Variants in ICE2 observed in about 807,000 individuals in gnomAD.
The protein encoded by ICE2 is interactor of little elongation complex ELL subunit 2.
In ICE2, 87 loss-of-function variants were observed where a neutral mutation model predicts 105.4. That is an observed-to-expected ratio of 0.83 (90% confidence interval 0.69 to 0.99). ICE2 has a LOEUF of 0.99. ICE2 is among the 50% of genes least tolerant of loss of function. The probability of loss-of-function intolerance (pLI) is 0.00; values close to 1 mark genes in which losing one functional copy is unlikely to be tolerated. For synonymous variants in ICE2, 399 were observed against 392.0 expected, an observed-to-expected ratio of 1.02 and a Z score of -0.21; for missense variants, 1,323 against 1,146.7, an observed-to-expected ratio of 1.15 and a Z score of -2.22.
Position 60,423,571 on chromosome 15 carries a change from ACTTAT to A in ICE2, c.*58_*62del. ...TTGCCTACTGATTATTTTCCCTCAA[ACTTAT>A]CTAAATTAAACACTGTTATAACTGT... On this transcript the variant is annotated 3_prime_UTR_variant, in exon 16 of 16. Transcript: ENST00000261520. 6.8e-7 allele frequency: 1 copy of A among 1,460,604 alleles called. No individual in the cohort carries two copies. The highest frequency in any genetic ancestry group is 2.6e-5 in the East Asian group (1 of 38,660). 90.5% of individuals were successfully genotyped at this position (1,460,604 alleles called of 1,614,324 possible). A position where few individuals can be genotyped will look rare whatever the true frequency, so the allele number is the denominator to read the frequency against.
intron 12 of ICE2, chr15:60,440,604 G>A (rs1403618713): frequency 6.6e-6 from 1 of 152,158 alleles, no homozygotes; most frequent in Non-Finnish European, 1.5e-5. Flanking sequence ...AGTACGACCT[G>A]AGAAAGTCTT....
intron 5 of ICE2, among the ~76,000 whole-genome samples, chr15:60,458,709 A>G (rs1198976083): frequency 6.6e-6 from 1 of 152,170 alleles, no homozygotes; most frequent in Non-Finnish European, 1.5e-5. Flanking sequence ...GGATGAACAG[A>G]TAAACTAAAT....
intron 8 of ICE2, among the ~76,000 whole-genome samples, chr15:60,454,533 A>C (rs969743764): frequency 4.6e-5 from 7 of 152,012 alleles, no homozygotes; most frequent in African/African-American, 1.7e-4. Context: ...GACCTAATTA[A>C]TTCATTTAGT....
At position 60,448,905 on chromosome 15, in the gene ICE2, C is replaced by G; in HGVS notation, c.2062G>C (p.Asp688His). Residue 688 changes from aspartate to histidine, a missense_variant, in exon 10 of 16, where the codon GAC becomes CAC. By Grantham distance (81) the Asp-to-His change is moderately conservative (BLOSUM62 -1). Coordinates refer to ENST00000261520, the MANE Select transcript of ICE2 (RefSeq NM_024611.6). ...SVSEQLSGPS[D>H]SSSWPKSGWP... ...CCAGATTTCGGCCAACTAGAGGAGT[C>G]TGAAGGACCAGACAATTGCTCAGAA... is the stretch of plus-strand genomic sequence containing the variant. 6.2e-7 allele frequency: 1 copy of G among 1,613,290 alleles called. No homozygotes were observed. The highest frequency in any genetic ancestry group is 8.5e-7 in the Non-Finnish European group (1 of 1,179,774).
intron 3 of ICE2, among the ~76,000 whole-genome samples, chr15:60,473,137 C>T (rs1192286631): frequency 6.6e-6 from 1 of 152,010 alleles, no homozygotes; most frequent in Non-Finnish European, 1.5e-5. Context: ...GAGACAAGGT[C>T]TTGATATGTT....
intron 13 of ICE2, among the ~76,000 whole-genome samples, chr15:60,434,488 C>A (rs2063535650): frequency 1.3e-5 from 2 of 150,648 alleles, no homozygotes; most frequent in African/African-American, 4.9e-5. Context: ...TGGGTCTGTG[C>A]TCCATCAATG....
chr15:60,430,878 T>C (rs1035083313), intron 14 of ICE2, among the ~76,000 whole-genome samples: 1 of 152,152 alleles, frequency 6.6e-6, no homozygotes, highest in Non-Finnish European at 1.5e-5. Context: ...TTTAGCTCTA[T>C]GTTCTTTTTT....
rs1436080192 is a variant in ICE2 at position 60,477,964 on chromosome 15, A to G, written c.14T>C (p.Met5Thr). The G allele has an allele frequency of 1.2e-6, 2 of 1,614,038 alleles. No individual in the cohort carries two copies. Among genetic ancestry groups the G allele is most frequent in the African/African-American group, 1.3e-5 (1 of 74,934 alleles). The change falls in exon 2 of 16, where the codon ATG becomes ACG. Residue 5 changes from methionine (M) to threonine (T), a missense_variant. Transcript: ENST00000261520. MSSK[M>T]VISEPGLNWD... ...ATTCAGTCCTGGTTCACTTATGACC[A>G]TCTTGGAGCTCATCTTCCTAGATTT...
At chr15:60,426,493 T>C (rs1241188887) in intron 15 of ICE2, among the ~76,000 whole-genome samples, 1 of 152,214 alleles carries the variant, frequency 6.6e-6, no homozygotes, top group Non-Finnish European at 1.5e-5. Context: ...GTGCTGCATT[T>C]CTCAGAATGT....
intron 15 of ICE2, among the ~76,000 whole-genome samples, chr15:60,424,752 C>T (rs967171057): frequency 2.6e-5 from 4 of 152,176 alleles, no homozygotes; most frequent in Admixed American, 2.0e-4. Context: ...GTGATCTGCC[C>T]GCCTCAGCCT....
chr15:60,453,745 AGTG>A lies in ICE2; in HGVS notation c.980_982del (p.Pro327del). 1 of 1,595,568 alleles carries A rather than the reference AGTG, an allele frequency of 6.3e-7. No individual in the cohort carries two copies. Among genetic ancestry groups the A allele is most frequent in the Non-Finnish European group, 8.6e-7 (1 of 1,163,270 alleles). ...TCTCATAGTCATTTTCTTTTGGGGA[AGTG>A]GTGAATTAATATATATTACTTTAAC... On this transcript the variant is annotated inframe_deletion, in exon 9 of 16. Coordinates refer to ENST00000261520, the MANE Select transcript of ICE2 (RefSeq NM_024611.6).
At chr15:60,427,692 T>C (rs2063366925) in intron 15 of ICE2, among the ~76,000 whole-genome samples, 1 of 152,188 alleles carries the variant, frequency 6.6e-6, no homozygotes, top group Admixed American at 6.6e-5. Flanking sequence ...CCTGGGATTA[T>C]AGGTGTGAGC....
At chr15:60,462,358 T>C (rs1042047707) in intron 5 of ICE2, among the ~76,000 whole-genome samples, 1 of 152,154 alleles carries the variant, frequency 6.6e-6, no homozygotes, top group African/African-American at 2.4e-5. Context: ...ATGGTGATGA[T>C]AGTTAATTAC....
intron 5 of ICE2, among the ~76,000 whole-genome samples, chr15:60,464,660 G>A (rs1470142760): frequency 6.6e-6 from 1 of 152,072 alleles, no homozygotes; most frequent in Non-Finnish European, 1.5e-5. Context: ...TAACTGATAG[G>A]GCAATTTGTA....
At chr15:60,434,108 C>T (rs1025277308) in intron 13 of ICE2, among the ~76,000 whole-genome samples, 3 of 152,184 alleles carry the variant, frequency 2.0e-5, no homozygotes, top group African/African-American at 7.2e-5. Flanking sequence ...CTAGGGCATA[C>T]CACTCTAATA....
At position 60,448,983 on chromosome 15, in the gene ICE2, T is replaced by A. The variant is rs772575015; in HGVS notation, c.1984A>T (p.Lys662Ter). ...TTCATTAAGGGCAATTCTGGTACTT[T>A]TCTGGAAATTGGCTTTAAGAGCTCA... ...QDELLKPISR[K>*]VPELPLMNLE... is the part of the protein sequence containing the mutation. Residue 662 changes from lysine to a stop codon, truncating the protein, a stop_gained, in exon 10 of 16, where the codon AAA (lysine) becomes TAA (stop). Coordinates refer to ENST00000261520, the MANE Select transcript of ICE2 (RefSeq NM_024611.6). LOFTEE classifies it high-confidence loss of function. 1 of 1,614,068 alleles carries A rather than the reference T, an allele frequency of 6.2e-7. No homozygotes were observed. The highest frequency in any genetic ancestry group is 8.5e-7 in the Non-Finnish European group (1 of 1,179,998).
At chr15:60,428,350 G>A in intron 15 of ICE2, 79 bp downstream of exon 15, 1 of 1,402,108 alleles carries the variant, frequency 7.1e-7, no homozygotes, top group Non-Finnish European at 9.8e-7. Flanking sequence ...GAGAACATCA[G>A]GGTGAAATAC....
intron 12 of ICE2, chr15:60,442,149 T>C (rs926780688): frequency 7.5e-6 from 2 of 267,056 alleles, no homozygotes; most frequent in Non-Finnish European, 1.4e-5. Context: ...AAAAATTAGC[T>C]GGGCATGGTA....
At chr15:60,478,982 C>A (rs2064854685) in intron 1 of ICE2, 21 bp downstream of exon 1, 1 of 455,854 alleles carries the variant, frequency 2.2e-6, no homozygotes, top group Admixed American at 2.4e-5. Flanking sequence ...GTCTGGGCTG[C>A]AACACAGCCT....
Sources: allele counts gnomAD v4.1 joint callset (sites outside exome capture counted in the v4.1 genomes callset), GRCh38; gene constraint gnomAD v4.1.1; transcripts MANE v1.5; gene names NCBI Gene and HGNC (gene_info 2026-07-23, HGNC 2026-07-21).